The following NOX4 variants were observed in gnomAD, a reference collection of about 807,000 sequenced individuals.
NOX4 encodes kidney oxidase-1.
In NOX4, 69 loss-of-function variants were observed where a neutral mutation model predicts 87.6. The ratio of observed to expected loss-of-function variants is 0.79; its 90% CI spans 0.65 to 0.96. The LOEUF (loss-of-function observed/expected upper bound fraction) is 0.96. NOX4 is among the 40% of genes least tolerant of loss of function. The probability of loss-of-function intolerance (pLI) is 0.00; values close to 1 mark genes in which losing one functional copy is unlikely to be tolerated. For synonymous variants in NOX4, 275 were observed against 238.2 expected, an observed-to-expected ratio of 1.15 and a Z score of -1.42; for missense variants, 680 against 681.5, an observed-to-expected ratio of 1.00 and a Z score of 0.02.
chr11:89,381,692 T>TG (rs1242369969), intron 11 of NOX4, among the ~76,000 whole-genome samples: 6 of 119,278 alleles, frequency 5.0e-5, no homozygotes, highest in Non-Finnish European at 9.0e-5. Flanking sequence ...GTGATTTGGA[T>TG]CGGGGGGACC....
the NOX4 span, among the ~76,000 whole-genome samples, chr11:89,554,693 T>C: frequency 1.3e-5 from 2 of 152,156 alleles, no homozygotes; most frequent in African/African-American, 2.4e-5. Flanking sequence ...CCCTCAGTTG[T>C]ATTCTTAATG....
intron 11 of NOX4, among the ~76,000 whole-genome samples, chr11:89,378,216 T>G (rs1161506061): frequency 6.6e-6 from 1 of 152,154 alleles, no homozygotes; most frequent in South Asian, 2.1e-4. Flanking sequence ...ATATTCCATG[T>G]TTCTCCTTTT....
intron 11 of NOX4, among the ~76,000 whole-genome samples, chr11:89,388,176 A>T (rs1324601514): frequency 6.6e-6 from 1 of 152,188 alleles, no homozygotes; most frequent in Admixed American, 6.5e-5. Context: ...ATTATCTCAT[A>T]AACGATCTAT....
At chr11:89,570,831 TAAACAAACAAATAGTATGG>T in the NOX4 span, among the ~76,000 whole-genome samples, 8 of 152,298 alleles carry the variant, frequency 5.3e-5, no homozygotes, top group Admixed American at 3.3e-4. Context: ...ATCTCAAAAT[TAAACAAACAAATAGTATGG>T]TTTATTGTGT....
the NOX4 span, among the ~76,000 whole-genome samples, chr11:89,535,397 C>G: frequency 6.6e-6 from 1 of 152,242 alleles, no homozygotes; most frequent in Non-Finnish European, 1.5e-5. Context: ...CTATGGGACT[C>G]TCACTGATTT....
chr11:89,553,030 C>A, the NOX4 span, among the ~76,000 whole-genome samples: 2 of 152,140 alleles, frequency 1.3e-5, no homozygotes, highest in Non-Finnish European at 2.9e-5. Context: ...ATACCTCCTG[C>A]CACTCACCCC....
chr11:89,521,687 T>C, the NOX4 span, among the ~76,000 whole-genome samples: 1 of 151,942 alleles, frequency 6.6e-6, no homozygotes, highest in Non-Finnish European at 1.5e-5. Flanking sequence ...CAGTGCCACC[T>C]AATTAAACAA....
chr11:89,340,800 G>A (rs1488301685), intron 14 of NOX4, among the ~76,000 whole-genome samples: 1 of 152,034 alleles, frequency 6.6e-6, no homozygotes, highest in African/African-American at 2.4e-5. Context: ...ATAACATTAG[G>A]TGTCCAAATA....
intron 17 of NOX4, among the ~76,000 whole-genome samples, chr11:89,331,461 G>T (rs939779037): frequency 6.6e-6 from 1 of 151,474 alleles, no homozygotes; most frequent in Non-Finnish European, 1.5e-5. Flanking sequence ...GTGAGCAAAA[G>T]AAATAAAAAT....
intron 17 of NOX4, among the ~76,000 whole-genome samples, chr11:89,330,666 G>T (rs1334051636): frequency 1.4e-5 from 2 of 144,406 alleles, no homozygotes; most frequent in Admixed American, 6.9e-5. Context: ...GCTAACATTA[G>T]AGAAAAAAGT....
At chr11:89,409,901 G>A (rs530838697) in intron 8 of NOX4, among the ~76,000 whole-genome samples, 121 of 151,996 alleles carry the variant, frequency 8.0e-4, no homozygotes, top group African/African-American at 2.8e-3. Context: ...GTGAAAAATT[G>A]AAGAACTAAA....
At chr11:89,401,276 G>A (rs964148067) in intron 9 of NOX4, among the ~76,000 whole-genome samples, 1 of 152,100 alleles carries the variant, frequency 6.6e-6, no homozygotes, top group African/African-American at 2.4e-5. Context: ...CAATGTAGCA[G>A]CCTTGCACCT....
At chr11:89,366,395 T>G (rs554679908) in intron 12 of NOX4, among the ~76,000 whole-genome samples, 1 of 152,172 alleles carries the variant, frequency 6.6e-6, no homozygotes, top group Admixed American at 6.5e-5. Context: ...AGTAACATTT[T>G]GGCCAGGCAC....
intron 12 of NOX4, among the ~76,000 whole-genome samples, chr11:89,370,064 G>T (rs1038427436): frequency 1.3e-5 from 2 of 151,904 alleles, no homozygotes; most frequent in African/African-American, 4.8e-5. Context: ...CTCTTTTGTG[G>T]CCCAGTCCTT....
intron 7 of NOX4, among the ~76,000 whole-genome samples, chr11:89,427,090 C>A (rs1943462916): frequency 6.6e-6 from 1 of 152,198 alleles, no homozygotes; most frequent in African/African-American, 2.4e-5. Context: ...GCAGCCTGCA[C>A]TGCTGATACC....
chr11:89,482,448 T>C (rs1160317103), intron 2 of NOX4, among the ~76,000 whole-genome samples: 1 of 152,002 alleles, frequency 6.6e-6, no homozygotes, highest in Non-Finnish European at 1.5e-5. Context: ...CCTAATCCAA[T>C]ATGACTGGTG....
At chr11:89,577,322 G>A in the NOX4 span, 1 of 152,000 alleles carries the variant, frequency 6.6e-6, no homozygotes, top group Admixed American at 6.6e-5. Context: ...TAAGTCACAG[G>A]ATACACAGGA....
chr11:89,362,735 C>T (rs1346821599), intron 12 of NOX4, among the ~76,000 whole-genome samples: 8 of 151,868 alleles, frequency 5.3e-5, no homozygotes, highest in Admixed American at 2.6e-4. Context: ...ATTCATACTC[C>T]CCATATTATA....
chr11:89,547,547 T>C, the NOX4 span, among the ~76,000 whole-genome samples: 1 of 152,174 alleles, frequency 6.6e-6, no homozygotes, highest in African/African-American at 2.4e-5. Context: ...AAATCACAAT[T>C]TCATGTCTCA....
Sources: gnomAD v4.1 joint callset for allele counts (sites outside exome capture counted in the v4.1 genomes callset) on GRCh38, gnomAD v4.1.1 for gene constraint, MANE v1.5 for transcripts, NCBI Gene and HGNC (gene_info 2026-07-23, HGNC 2026-07-21) for gene names.